The following CCDC30 variants were observed in gnomAD, a reference collection of about 807,000 sequenced individuals.
CCDC30 encodes coiled-coil domain-containing protein 30.
In CCDC30, 70 loss-of-function variants were observed where a neutral mutation model predicts 100.2. The ratio of observed to expected loss-of-function variants is 0.70; its 90% CI spans 0.58 to 0.85. The LOEUF (loss-of-function observed/expected upper bound fraction) is 0.85. Ranked by LOEUF, CCDC30 falls within the 40% of genes least tolerant of loss-of-function variation. The pLI, the probability that CCDC30 is intolerant of heterozygous loss-of-function variation, is 0.00. For missense variants in CCDC30, 652 were observed against 771.2 expected (o/e 0.85, Z 1.83); for synonymous variants, 233 against 269.5 (o/e 0.86, Z 1.33).
Position 42,650,986 on chromosome 1 carries a change from T to C in CCDC30, c.1855-2390T>C, listed in dbSNP as rs1290141120. Among the ~76,000 whole-genome samples, 3 of 152,254 alleles carry C rather than the reference T, an allele frequency of 2.0e-5. No individual in the cohort carries two copies. In the East Asian group the frequency reaches 5.8e-4, roughly 29 times the overall value. Reference sequence around the variant, plus strand: ...ATGACATTGAGAAAAGGACAGTCCCTTCAACAAAACGGTATTGAGAAAACT... The same window carrying C: ...ATGACATTGAGAAAAGGACAGTCCCCTCAACAAAACGGTATTGAGAAAACT... On this transcript the variant is annotated intron_variant, in intron 15 of 16. Transcript: ENST00000668663.
chr1:42,607,634 G>A (rs2148635261), intron 10 of CCDC30, among the ~76,000 whole-genome samples: 1 of 151,516 alleles, frequency 6.6e-6, no homozygotes, highest in South Asian at 2.1e-4. Flanking sequence ...TTTGAATGTG[G>A]GTGAAAGTGC....
intron 6 of CCDC30, 96 bp downstream of exon 10, chr1:42,556,501 T>G (rs1645373668): frequency 1.5e-6 from 2 of 1,318,924 alleles, no homozygotes; most frequent in South Asian, 1.7e-5. Flanking sequence ...ATATATATGT[T>G]TTTTTTTATT....
chr1:42,466,112 G>A (rs1643573187), intron 1 of CCDC30, among the ~76,000 whole-genome samples: 1 of 152,152 alleles, frequency 6.6e-6, no homozygotes. Context: ...AATTATATTT[G>A]TGTGAAAGGA....
intron 4 of CCDC30, among the ~76,000 whole-genome samples, chr1:42,491,095 G>T (rs2783381): frequency 7.2e-5 from 11 of 152,196 alleles, no homozygotes; most frequent in Admixed American, 6.5e-4. Flanking sequence ...ACTACACATA[G>T]CCTCCTTTTA....
intron 1 of CCDC30, among the ~76,000 whole-genome samples, chr1:42,468,129 TA>T (rs1013898194): frequency 6.6e-6 from 1 of 152,138 alleles, no homozygotes; most frequent in Non-Finnish European, 1.5e-5. Flanking sequence ...CCTCATATAG[TA>T]GTTGGGATTA....
At chr1:42,515,299 C>G (rs1170228625) in intron 6 of CCDC30, among the ~76,000 whole-genome samples, 1 of 151,996 alleles carries the variant, frequency 6.6e-6, no homozygotes, top group African/African-American at 2.4e-5. Context: ...GAATATGGCC[C>G]TACTAATACC....
At chr1:42,507,477 T>G (rs1361860317) in intron 6 of CCDC30, among the ~76,000 whole-genome samples, 1 of 152,248 alleles carries the variant, frequency 6.6e-6, no homozygotes, top group Non-Finnish European at 1.5e-5. Flanking sequence ...ATAACTTGCT[T>G]AAACCTTCAG....
rs1303070121 is a variant in CCDC30 at position 42,553,116 on chromosome 1, T to A, written c.457-13180T>A. Among the ~76,000 whole-genome samples, 3 of 152,268 alleles carry A rather than the reference T, an allele frequency of 2.0e-5. No individual in the cohort carries two copies. In the East Asian group the frequency reaches 5.8e-4, roughly 29 times the overall value. ...GTGACGTTCAGCTGGAGTAGGTAGG[T>A]GTCCAAAATTGTGTTTCTTCCTTGG... On this transcript the variant is annotated intron_variant, in intron 6 of 16. Coordinates refer to ENST00000668663, the Ensembl canonical transcript of CCDC30.
chr1:42,551,549 A>G (rs1175353386), intron 6 of CCDC30, among the ~76,000 whole-genome samples: 1 of 151,834 alleles, frequency 6.6e-6, no homozygotes, highest in Non-Finnish European at 1.5e-5. Context: ...CATGTTCTCA[A>G]CTCCATATAA....
rs568397943 is a variant in CCDC30, at chr1:42,539,631, A to T, written c.457-26665A>T. ...ATTTATTTAAATGTCTTCAATTTAA[A>T]AATTTAGGATCAAAGCATCTTTCTA... On this transcript the variant is annotated intron_variant, in intron 6 of 16. Transcript: ENST00000668663. 4.6e-5 allele frequency among the ~76,000 whole-genome samples: 7 copies of T among 152,302 alleles called. No homozygotes were observed. In the East Asian group the frequency reaches 1.2e-3, roughly 25 times the overall value.
intron 6 of CCDC30, chr1:42,542,730 T>A (rs1402696589): frequency 7.4e-6 from 1 of 135,316 alleles, no homozygotes; most frequent in Non-Finnish European, 1.6e-5. Context: ...TTTTTTTGTA[T>A]TTTTAGTAGA....
intron 6 of CCDC30, among the ~76,000 whole-genome samples, chr1:42,515,207 CA>C (rs58531777): frequency 2.0e-4 from 28 of 136,778 alleles, no homozygotes; most frequent in Non-Finnish European, 2.2e-4. Flanking sequence ...AGCTGCAAGC[CA>C]AAAAAAAAAA....
chr1:42,573,312 A>T (rs1355833812), intron 7 of CCDC30, among the ~76,000 whole-genome samples: 1 of 152,082 alleles, frequency 6.6e-6, no homozygotes, highest in East Asian at 1.9e-4. Flanking sequence ...AATTTCTCTC[A>T]ATATTTAAAT....
intron 10 of CCDC30, 53 bp from the exon 15 acceptor site, chr1:42,610,925 A>G: frequency 1.1e-6 from 1 of 902,536 alleles, no homozygotes; most frequent in Non-Finnish European, 1.7e-6. Flanking sequence ...GCATTTCTTC[A>G]ACATCATACC....
chr1:42,536,689 G>A (rs1338021473), intron 6 of CCDC30, 88 bp downstream of exon 7: 1 of 958,734 alleles, frequency 1.0e-6, no homozygotes, highest in Non-Finnish European at 1.6e-6. Flanking sequence ...GTATAACTAT[G>A]TGTCTCAGCT....
the CCDC30 span, chr1:42,456,939 T>C: frequency 1.2e-6 from 2 of 1,607,218 alleles, no homozygotes; most frequent in Non-Finnish European, 1.7e-6. Context: ...GAGAATGCAC[T>C]TCCGGGTTTT....
chr1:42,519,867 T>A (rs1644610447), intron 6 of CCDC30, among the ~76,000 whole-genome samples: 1 of 152,188 alleles, frequency 6.6e-6, no homozygotes, highest in Admixed American at 6.5e-5. Flanking sequence ...TTTTAGAAAT[T>A]TCTGCATTTC....
chr1:42,635,542 G>C (rs983882502), intron 11 of CCDC30, among the ~76,000 whole-genome samples: 1 of 151,966 alleles, frequency 6.6e-6, no homozygotes, highest in African/African-American at 2.4e-5. Context: ...AGATGTGGTG[G>C]CTGGCGCCTG....
intron 1 of CCDC30, among the ~76,000 whole-genome samples, chr1:42,471,955 A>G (rs1237880126): frequency 1.3e-5 from 2 of 152,204 alleles, no homozygotes; most frequent in Non-Finnish European, 2.9e-5. Context: ...CTGTCACTGC[A>G]ATTTGGGTCA....
Sources: gnomAD v4.1 joint callset for allele counts (sites outside exome capture counted in the v4.1 genomes callset) on GRCh38, gnomAD v4.1.1 for gene constraint, MANE v1.5 for transcripts, NCBI Gene and HGNC (gene_info 2026-07-23, HGNC 2026-07-21) for gene names.